The following MOB1B variants were observed in gnomAD, a reference collection of about 807,000 sequenced individuals.
The protein encoded by MOB1B is MOB1 Mps One Binder homolog B.
Under a neutral mutation model 24.4 loss-of-function variants are expected in MOB1B, and 19 were observed. That is an observed-to-expected ratio of 0.78 (90% CI 0.54 to 1.14). The LOEUF is 1.14. Among genes scored for constraint, MOB1B ranks in the 50% most tolerant of loss-of-function variants. The probability of loss-of-function intolerance (pLI) is 0.00; values close to 1 mark genes in which losing one functional copy is unlikely to be tolerated. For missense variants in MOB1B, 243 were observed against 259.6 expected, an observed-to-expected ratio of 0.94 and a Z score of 0.44; for synonymous variants, 76 against 82.1, an observed-to-expected ratio of 0.93 and a Z score of 0.40.
At chr4:70,968,927 T>C (rs1285366742) in intron 2 of MOB1B, among the ~76,000 whole-genome samples, 2 of 152,104 alleles carry the variant, frequency 1.3e-5, no homozygotes. Context: ...CCTGGCCAGG[T>C]TTTATTTTTT....
Position 70,902,508 on chromosome 4 carries a change from C to G in MOB1B, c.-29C>G, listed in dbSNP as rs1195405865. Reference sequence around the variant, plus strand: ...ACGCCGCTCCGAGGCCTCGCGACCGCCGAGCCTGCAGCCTGCCCCGCGGCC... The same window carrying G: ...ACGCCGCTCCGAGGCCTCGCGACCGGCGAGCCTGCAGCCTGCCCCGCGGCC... On this transcript the variant is annotated 5_prime_UTR_variant, in exon 1 of 6. Coordinates refer to ENST00000309395, the MANE Select transcript of MOB1B (RefSeq NM_173468.4). The G allele has an allele frequency of 6.4e-7, 1 of 1,559,250 alleles. No individual in the cohort carries two copies. The highest frequency in any genetic ancestry group is 1.4e-5 in the African/African-American group (1 of 73,608).
At chr4:70,934,904 TA>T (rs1297223755) in intron 1 of MOB1B, among the ~76,000 whole-genome samples, 9 of 151,830 alleles carry the variant, frequency 5.9e-5, no homozygotes, top group Middle Eastern at 3.4e-3. Context: ...TTCTTATAAT[TA>T]AAAAAATTAT....
intron 1 of MOB1B, among the ~76,000 whole-genome samples, chr4:70,939,712 A>G (rs1737251647): frequency 6.6e-6 from 1 of 152,186 alleles, no homozygotes; most frequent in African/African-American, 2.4e-5. Flanking sequence ...GGGAGTGTGC[A>G]GTGCTGAAGC....
At chr4:70,914,074 G>T (rs1736104100) in intron 1 of MOB1B, among the ~76,000 whole-genome samples, 1 of 152,156 alleles carries the variant, frequency 6.6e-6, no homozygotes, top group African/African-American at 2.4e-5. Flanking sequence ...AATGGTATTA[G>T]TGCCCTGATA....
At chr4:70,957,459 G>C (rs1253840358) in intron 1 of MOB1B, among the ~76,000 whole-genome samples, 1 of 150,208 alleles carries the variant, frequency 6.7e-6, no homozygotes, top group Non-Finnish European at 1.5e-5. Context: ...TAAAGAGGCA[G>C]GCCTCATTCT....
intron 4 of MOB1B, chr4:70,976,834 T>C (rs1164586904): frequency 2.5e-5 from 4 of 160,506 alleles, no homozygotes; most frequent in Non-Finnish European, 5.2e-5. Context: ...TTCTCTCTCA[T>C]AATACAGTTG....
chr4:70,932,215 A>G (rs1007970182), intron 1 of MOB1B, among the ~76,000 whole-genome samples: 1 of 152,164 alleles, frequency 6.6e-6, no homozygotes, highest in African/African-American at 2.4e-5. Context: ...TTCTATATAT[A>G]TAATTTAATT....
At chr4:70,903,974 CTTTTTTTTTTT>C (rs754257097) in intron 1 of MOB1B, among the ~76,000 whole-genome samples, 13 of 81,018 alleles carry the variant, frequency 1.6e-4, no homozygotes, top group Admixed American at 8.4e-4. Context: ...TATTTTAGTT[CTTTTTTTTTTT>C]TTTTTTTTTT....
At chr4:70,920,663 AGTTTTCTGG>A (rs1475665670) in intron 1 of MOB1B, among the ~76,000 whole-genome samples, 1 of 152,188 alleles carries the variant, frequency 6.6e-6, no homozygotes, top group East Asian at 1.9e-4. Flanking sequence ...CCAGCATGCC[AGTTTTCTGG>A]GTTCTCTCTC....
intron 5 of MOB1B, among the ~76,000 whole-genome samples, chr4:70,980,422 A>C (rs1187693065): frequency 1.3e-5 from 2 of 152,160 alleles, no homozygotes; most frequent in East Asian, 3.9e-4. Context: ...GTGATCTTAC[A>C]CTGTGTTTCC....
intron 1 of MOB1B, among the ~76,000 whole-genome samples, chr4:70,916,838 G>A (rs28897377): frequency 6.6e-6 from 1 of 152,048 alleles, no homozygotes; most frequent in Non-Finnish European, 1.5e-5. Flanking sequence ...CAAACTGCTG[G>A]GATTACAGGC....
At chr4:70,945,701 A>T (rs1455875406) in intron 1 of MOB1B, among the ~76,000 whole-genome samples, 1 of 152,154 alleles carries the variant, frequency 6.6e-6, no homozygotes. Context: ...CCTTAGAAAC[A>T]TTTCTTATTT....
intron 1 of MOB1B, among the ~76,000 whole-genome samples, chr4:70,921,746 A>T (rs1363137570): frequency 1.3e-5 from 2 of 151,954 alleles, no homozygotes; most frequent in Non-Finnish European, 1.5e-5. Flanking sequence ...TGACCTCATG[A>T]TTCACCCACC....
At chr4:70,919,744 C>T (rs1344578727) in intron 1 of MOB1B, among the ~76,000 whole-genome samples, 1 of 152,234 alleles carries the variant, frequency 6.6e-6, no homozygotes, top group Non-Finnish European at 1.5e-5. Context: ...GGTGATCAGC[C>T]CGCCTCGGCC....
chr4:70,938,334 C>CAAA (rs71211984), intron 1 of MOB1B, among the ~76,000 whole-genome samples: 1 of 6,304 alleles, frequency 1.6e-4, no homozygotes, highest in African/African-American at 4.3e-4. Flanking sequence ...CCCCCCCCCC[C>CAAA]AAAAAAAAAA....
chr4:70,904,141 C>A (rs952038310), intron 1 of MOB1B, among the ~76,000 whole-genome samples: 1 of 151,492 alleles, frequency 6.6e-6, no homozygotes, highest in East Asian at 2.0e-4. Context: ...CGCCACCACG[C>A]CTGGCTAATT....
chr4:70,922,735 T>G (rs1165641159), intron 1 of MOB1B, among the ~76,000 whole-genome samples: 1 of 152,236 alleles, frequency 6.6e-6, no homozygotes. Context: ...AGAGTTATAC[T>G]TCTAAGTCAC....
intron 1 of MOB1B, among the ~76,000 whole-genome samples, chr4:70,931,004 G>C (rs1184603921): frequency 2.4e-5 from 3 of 123,750 alleles, no homozygotes; most frequent in African/African-American, 9.5e-5. Flanking sequence ...CTGTTTCTCT[G>C]CCTTGTGTCC....
intron 1 of MOB1B, among the ~76,000 whole-genome samples, chr4:70,943,807 G>C (rs1432057350): frequency 1.3e-5 from 2 of 152,054 alleles, no homozygotes; most frequent in Non-Finnish European, 2.9e-5. Flanking sequence ...TCTGTAAGTA[G>C]CATTAATAAG....
Sources: gnomAD v4.1 joint callset for allele counts (sites outside exome capture counted in the v4.1 genomes callset) on GRCh38, gnomAD v4.1.1 for gene constraint, MANE v1.5 for transcripts, NCBI Gene and HGNC (gene_info 2026-07-23, HGNC 2026-07-21) for gene names.